Variants in MEGF6 observed in about 807,000 individuals in gnomAD.
The protein encoded by MEGF6 is multiple EGF like domains 6.
A neutral mutation model predicts 207.1 loss-of-function variants in MEGF6; 184 were observed. The observed-to-expected ratio is 0.89, with a 90% CI of 0.79 to 1.00. The LOEUF (loss-of-function observed/expected upper bound fraction) is 1.00, where lower values mean the gene tolerates loss of function less well. Among genes scored for constraint, MEGF6 ranks in the 50% least tolerant of loss-of-function variants. The pLI, the probability that MEGF6 is intolerant of heterozygous loss-of-function variation, is 0.00. For synonymous variants in MEGF6, 1,038 were observed against 910.0 expected (o/e 1.14, Z -2.53); for missense variants, 2,282 against 2,202.9 (o/e 1.04, Z -0.72).
intron 3 of MEGF6, among the ~76,000 whole-genome samples, chr1:3,580,835 G>A (rs1487495619): frequency 6.6e-6 from 1 of 152,092 alleles, no homozygotes; most frequent in African/African-American, 2.4e-5. Context: ...AGTGACCTGA[G>A]ACCCCCTGCC....
chr1:3,615,338 A>G (rs1321630689), upstream of MEGF6, among the ~76,000 whole-genome samples: 1 of 152,210 alleles, frequency 6.6e-6, no homozygotes, highest in Admixed American at 6.5e-5. Context: ...CCTGGTGCAG[A>G]GCGCAGGTAT....
intron 4 of MEGF6, among the ~76,000 whole-genome samples, chr1:3,539,827 G>T (rs540183407): frequency 6.6e-6 from 1 of 152,166 alleles, no homozygotes; most frequent in Non-Finnish European, 1.5e-5. Context: ...GATGGCTCCC[G>T]GGCCAGGCCA....
intron 1 of MEGF6, among the ~76,000 whole-genome samples, chr1:3,607,269 AC>A (rs1338317609): frequency 6.9e-6 from 1 of 144,844 alleles, no homozygotes; most frequent in Non-Finnish European, 1.5e-5. Flanking sequence ...CGCACATCAC[AC>A]CCGTCACTCT....
intron 4 of MEGF6, among the ~76,000 whole-genome samples, chr1:3,534,908 C>A (rs1458922083): frequency 6.6e-6 from 1 of 152,154 alleles, no homozygotes; most frequent in Non-Finnish European, 1.5e-5. Flanking sequence ...GCTGCCATCA[C>A]CCCTTCCATT....
At chr1:3,490,985 G>C in intron 35 of MEGF6, 26 bp from the exon 36 acceptor site, 1 of 1,573,222 alleles carries the variant, frequency 6.4e-7, no homozygotes, top group African/African-American at 1.4e-5. Flanking sequence ...AGCAGGCCAT[G>C]TTAGTACCCC....
At chr1:3,508,945 T>G in intron 12 of MEGF6, 130 bp downstream of exon 12, 3 of 1,167,770 alleles carry the variant, frequency 2.6e-6, no homozygotes, top group Non-Finnish European at 3.5e-6. Flanking sequence ...CTCTGGGCCT[T>G]GGTCTAACAT....
At chr1:3,508,018 G>C in intron 13 of MEGF6, 95 bp from the exon 14 acceptor site, 1 of 1,419,190 alleles carries the variant, frequency 7.0e-7, no homozygotes, top group Non-Finnish European at 9.5e-7. Flanking sequence ...AGAAGCAGTT[G>C]CCTAGAGATA....
intron 3 of MEGF6, among the ~76,000 whole-genome samples, chr1:3,587,684 A>G (rs535125111): frequency 2.6e-4 from 40 of 152,312 alleles, no homozygotes; most frequent in African/African-American, 8.4e-4. Context: ...GAAAGACAGG[A>G]TCATGCTCAT....
chr1:3,514,657 G>A lies in MEGF6; in HGVS notation c.746C>T (p.Ala249Val), dbSNP rs1002706339. The change falls in exon 7 of 37, where the codon GCC becomes GTC. Residue 249 changes from alanine to valine, a missense_variant. Ala to Val is a moderately conservative substitution (Grantham distance 64). Coordinates refer to ENST00000356575, the MANE Select transcript of MEGF6 (RefSeq NM_001409.4). ...GTGCATGCAGCTGCCGTTCCTGTTG[G>A]CACACGGGCTTCTACCTGCAGCCAC... ...GRHCVRRSPC[A>V]NRNGSCMHRC... The A allele has an allele frequency of 1.9e-6, 3 of 1,582,528 alleles. No homozygotes were observed. Among genetic ancestry groups the A allele is most frequent in the East Asian group, 2.3e-5 (1 of 43,730 alleles).
At chr1:3,558,556 C>T (rs553351925) in intron 4 of MEGF6, among the ~76,000 whole-genome samples, 5 of 152,176 alleles carry the variant, frequency 3.3e-5, no homozygotes, top group Non-Finnish European at 7.3e-5. Flanking sequence ...GCAAGACGTG[C>T]GTTTTCCCTA....
chr1:3,541,295 G>A (rs1214361523), intron 4 of MEGF6, among the ~76,000 whole-genome samples: 1 of 152,142 alleles, frequency 6.6e-6, no homozygotes, highest in Non-Finnish European at 1.5e-5. Context: ...GAGGCTTTCG[G>A]CCACCATGAC....
chr1:3,550,019 G>A (rs751135765), intron 4 of MEGF6, among the ~76,000 whole-genome samples: 11 of 152,198 alleles, frequency 7.2e-5, no homozygotes, highest in South Asian at 2.1e-4. Flanking sequence ...TGAAGTGATC[G>A]TGGATGCCAC....
chr1:3,521,320 C>T (rs1162193114), intron 5 of MEGF6, among the ~76,000 whole-genome samples: 1 of 152,146 alleles, frequency 6.6e-6, no homozygotes, highest in Non-Finnish European at 1.5e-5. Context: ...GGCGAAGGGT[C>T]CCAAACTCCC....
rs1640885458 is a variant in MEGF6, at chr1:3,501,859, AG to A, written c.2250del (p.Cys751AlafsTer221). The A allele has an allele frequency of 4.4e-6, 7 of 1,607,712 alleles. No individual in the cohort carries two copies. The South Asian group carries it at 5.5e-5, about 13-fold the overall frequency. On this transcript the variant is annotated frameshift_variant, in exon 18 of 37. Coordinates refer to ENST00000356575, the MANE Select transcript of MEGF6 (RefSeq NM_001409.4). LOFTEE classifies it high-confidence loss of function. Reference sequence around the variant, plus strand: ...CGGCACTGCCCCGTGACCCCGTGGCAGGGGGCCCCCCCACAGGAGCAGGAGC... The same window carrying A: ...CGGCACTGCCCCGTGACCCCGTGGCAGGGGCCCCCCCACAGGAGCAGGAGC... Reference protein sequence around the residue: ...CSSSCSCGGAPCHGVTGQCRC... With the variant: ...CSSSCSCGGAXCHGVTGQCRC...
rs967225736 is a variant in MEGF6, at chr1:3,573,957, T to C, written c.481+5868A>G. Among the ~76,000 whole-genome samples the C allele has an allele frequency of 6.6e-6, 1 of 152,100 alleles. No homozygotes were observed. Among genetic ancestry groups the C allele is most frequent in the African/African-American group, 2.4e-5 (1 of 41,442 alleles). On this transcript the variant is annotated intron_variant, in intron 4 of 36. Transcript: ENST00000356575. The surrounding 1 kb of genome is among the most constrained non-coding windows in gnomAD (Gnocchi z 5.1). Reference sequence around the variant, plus strand: ...ACGGGCTCAGGACACCACCCAGTCCTAGCCACCCAACCTTCTCCAAGGCTC... The same window carrying C: ...ACGGGCTCAGGACACCACCCAGTCCCAGCCACCCAACCTTCTCCAAGGCTC...
At chr1:3,497,805 AG>A (rs1009536162) in intron 26 of MEGF6, among the ~76,000 whole-genome samples, 6 of 152,184 alleles carry the variant, frequency 3.9e-5, no homozygotes, top group African/African-American at 1.4e-4. Context: ...TCCTGACCTG[AG>A]CAAGGGACCG....
intron 10 of MEGF6, 143 bp downstream of exon 10, chr1:3,510,640 C>A: frequency 8.2e-7 from 1 of 1,224,374 alleles, no homozygotes; most frequent in Non-Finnish European, 1.1e-6. Flanking sequence ...GGCGCTCAAC[C>A]AACACCCACA....
At chr1:3,494,813 C>T (rs1156913461) in intron 30 of MEGF6, 72 bp from the exon 31 acceptor site, 3 of 1,457,916 alleles carry the variant, frequency 2.1e-6, no homozygotes, top group Admixed American at 5.1e-5. Context: ...TATGTCCCCA[C>T]AGGCTGACAG....
chr1:3,514,819 T>C, intron 6 of MEGF6, 147 bp from the exon 7 acceptor site: 1 of 956,804 alleles, frequency 1.0e-6, no homozygotes, highest in Non-Finnish European at 1.5e-6. Context: ...CGGGTCTCCC[T>C]CCTCCCAGGT....
Sources: allele counts gnomAD v4.1 joint callset (sites outside exome capture counted in the v4.1 genomes callset), GRCh38; gene constraint gnomAD v4.1.1; non-coding constraint Gnocchi (gnomAD v3.1); transcripts MANE v1.5; gene names NCBI Gene and HGNC (gene_info 2026-07-23, HGNC 2026-07-21).